GLB1: variants seen among roughly 807,000 people sequenced by gnomAD.
GLB1 encodes beta-galactosidase.
In GLB1, 56 loss-of-function variants were observed where a neutral mutation model predicts 74.0. The ratio of observed to expected loss-of-function variants is 0.76; its 90% CI spans 0.61 to 0.94. GLB1 has a LOEUF of 0.94. GLB1 is among the 40% of genes least tolerant of loss of function. The probability of loss-of-function intolerance (pLI) is 0.00; values close to 1 mark genes in which losing one functional copy is unlikely to be tolerated. For synonymous variants in GLB1, 323 were observed against 323.6 expected (o/e 1.00, Z 0.02); for missense variants, 787 against 845.5 (o/e 0.93, Z 0.86).
the GLB1 span, among the ~76,000 whole-genome samples, chr3:32,984,708 G>A: frequency 0.023 from 3,453 of 152,060 alleles, 131 homozygotes; most frequent in African/African-American, 0.077. Flanking sequence ...TGGATCATGA[G>A]GTCAGGAGTT....
At chr3:32,972,377 G>A in the GLB1 span, among the ~76,000 whole-genome samples, 4 of 152,140 alleles carry the variant, frequency 2.6e-5, no homozygotes, top group South Asian at 6.2e-4. Flanking sequence ...GATAATGGCC[G>A]AGCTGTCATG....
intron 1 of GLB1, chr3:33,091,380 G>A (rs1700754028): frequency 2.0e-6 from 2 of 985,352 alleles, no homozygotes; most frequent in South Asian, 4.7e-5. Flanking sequence ...GCACATGAGG[G>A]AAGGAAGGCA....
intron 4 of GLB1, among the ~76,000 whole-genome samples, chr3:33,067,627 A>G (rs1357909617): frequency 6.6e-6 from 1 of 152,150 alleles, no homozygotes; most frequent in Non-Finnish European, 1.5e-5. Context: ...GGAATATGCT[A>G]AGTAAATAGG....
chr3:33,051,691 C>A lies in GLB1; in HGVS notation c.955+67G>T, dbSNP rs1375960365. On this transcript the variant is annotated intron_variant, in intron 9 of 15. Coordinates refer to ENST00000307363, the MANE Select transcript of GLB1 (RefSeq NM_000404.4). ...GAAAATAAAATTGTCTGTGGGCACA[C>A]CCCTCCTCAAATTAATCAACAGAAA... The A allele has an allele frequency of 3.1e-6, 5 of 1,609,608 alleles. No individual in the cohort carries two copies. The Admixed American group carries it at 5.0e-5, about 16-fold the overall frequency.
intron 11 of GLB1, among the ~76,000 whole-genome samples, chr3:33,022,198 C>T (rs1279790900): frequency 6.6e-6 from 1 of 152,110 alleles, no homozygotes; most frequent in Non-Finnish European, 1.5e-5. Flanking sequence ...ACTGTCAGCT[C>T]CTTAAGGATA....
chr3:32,991,608 C>T, the GLB1 span, among the ~76,000 whole-genome samples: 11 of 152,222 alleles, frequency 7.2e-5, no homozygotes, highest in African/African-American at 2.7e-4. Flanking sequence ...CTTCCACCTG[C>T]TTCTGTTGCA....
At chr3:33,085,274 C>CAAAAAAAAAA (rs772490092) in intron 1 of GLB1, among the ~76,000 whole-genome samples, 1 of 74,132 alleles carries the variant, frequency 1.3e-5, no homozygotes, top group Non-Finnish European at 2.7e-5. Flanking sequence ...GAGTCTGTTT[C>CAAAAAAAAAA]AAAAAAAAAA....
chr3:33,021,748 G>C, intron 11 of GLB1, 93 bp from the exon 12 acceptor site: 1 of 1,429,670 alleles, frequency 7.0e-7, no homozygotes, highest in Non-Finnish European at 9.6e-7. Context: ...ACATCAGTGG[G>C]TTTGACCAAA....
intron 2 of GLB1, among the ~76,000 whole-genome samples, chr3:33,069,586 T>C (rs1395155784): frequency 1.3e-5 from 2 of 152,198 alleles, no homozygotes; most frequent in African/African-American, 4.8e-5. Flanking sequence ...CAGATTAATT[T>C]GTAGATTATT....
At chr3:33,074,886 A>T (rs986406101) in intron 1 of GLB1, among the ~76,000 whole-genome samples, 4 of 152,216 alleles carry the variant, frequency 2.6e-5, no homozygotes, top group Non-Finnish European at 5.9e-5. Flanking sequence ...ACATGCCTGA[A>T]ATCCAACTGG....
At chr3:33,002,217 T>G (rs1696601489) in intron 15 of GLB1, among the ~76,000 whole-genome samples, 1 of 152,222 alleles carries the variant, frequency 6.6e-6, no homozygotes, top group African/African-American at 2.4e-5. Flanking sequence ...GTTTCATAAA[T>G]GTGAGGTTCC....
the GLB1 span, among the ~76,000 whole-genome samples, chr3:32,984,311 G>T: frequency 6.6e-6 from 1 of 151,834 alleles, no homozygotes; most frequent in East Asian, 1.9e-4. Flanking sequence ...CGTTGCTCAG[G>T]GGGGAATTCA....
intron 1 of GLB1, among the ~76,000 whole-genome samples, chr3:33,078,431 C>T (rs1190267433): frequency 2.0e-5 from 3 of 152,142 alleles, no homozygotes; most frequent in Admixed American, 2.0e-4. Context: ...CAAAAAAAGT[C>T]GAATAGCCAG....
At chr3:33,053,021 C>T (rs1310996077) in intron 7 of GLB1, among the ~76,000 whole-genome samples, 1 of 152,148 alleles carries the variant, frequency 6.6e-6, no homozygotes, top group Non-Finnish European at 1.5e-5. Flanking sequence ...TGAGTGACAA[C>T]AAGAATAGCA....
At chr3:33,067,710 T>C (rs1699741626) in intron 4 of GLB1, among the ~76,000 whole-genome samples, 2 of 152,206 alleles carry the variant, frequency 1.3e-5, no homozygotes, top group Non-Finnish European at 1.5e-5. Flanking sequence ...TACCAGTTTA[T>C]CAGTAAGATC....
At chr3:33,074,389 G>GAAGGAAGGAAGAAAGA (rs1553612831) in intron 1 of GLB1, among the ~76,000 whole-genome samples, 2 of 38,918 alleles carry the variant, frequency 5.1e-5, no homozygotes, top group South Asian at 1.2e-3. Flanking sequence ...AGGAAGGAAG[G>GAAGGAAGGAAGAAAGA]AAGAAAGAAA....
intron 1 of GLB1, among the ~76,000 whole-genome samples, chr3:33,081,730 C>A (rs1700330267): frequency 6.6e-6 from 1 of 152,242 alleles, no homozygotes; most frequent in African/African-American, 2.4e-5. Context: ...CCACAACAAC[C>A]AGCAAGGTCA....
chr3:32,997,900 A>G (rs1413539349), intron 15 of GLB1, among the ~76,000 whole-genome samples: 1 of 152,248 alleles, frequency 6.6e-6, no homozygotes, highest in Non-Finnish European at 1.5e-5. Flanking sequence ...GAGGTCAGAC[A>G]GGTACCAGGA....
At chr3:33,018,816 TG>T (rs1697351776) in intron 12 of GLB1, among the ~76,000 whole-genome samples, 1 of 152,198 alleles carries the variant, frequency 6.6e-6, no homozygotes, top group African/African-American at 2.4e-5. Flanking sequence ...AAGAGGAACC[TG>T]GACCCTGAAT....
Sources: allele counts gnomAD v4.1 joint callset (sites outside exome capture counted in the v4.1 genomes callset), GRCh38; gene constraint gnomAD v4.1.1; transcripts MANE v1.5; gene names NCBI Gene and HGNC (gene_info 2026-07-23, HGNC 2026-07-21).